Variants in GCLM observed in about 807,000 individuals in gnomAD.
GCLM encodes glutamate--cysteine ligase regulatory subunit.
GCLM carries 15 observed loss-of-function variants against 36.0 expected under a neutral mutation model. That is an observed-to-expected ratio of 0.42 (90% CI 0.28 to 0.64). GCLM has a LOEUF of 0.64. Among genes scored for constraint, GCLM ranks in the 30% least tolerant of loss-of-function variants. The probability of loss-of-function intolerance (pLI) is 0.25; values close to 1 mark genes in which losing one functional copy is unlikely to be tolerated. For missense variants in GCLM, 242 were observed against 325.5 expected, an observed-to-expected ratio of 0.74 and a Z score of 1.97; for synonymous variants, 129 against 122.8, an observed-to-expected ratio of 1.05 and a Z score of -0.34.
In GCLM at chr1:93,904,735, G is replaced by T. The variant is rs1657080866; in HGVS notation, c.127-147C>A. ...CAAACCCCAATTTTAATCCTACAAG[G>T]TTTTTGTTTCCTTCAACATACATAA... On this transcript the variant is annotated intron_variant, in intron 1 of 6. Transcript: ENST00000370238. The T allele has an allele frequency of 1.3e-5, 8 of 605,036 alleles. No homozygotes were observed. The South Asian group carries it at 1.6e-4, about 12-fold the overall frequency. The allele number at this position is 605,036 out of a possible 1,614,324, so 37.5% of individuals were successfully genotyped here. A position where few individuals can be genotyped will look rare whatever the true frequency, so the allele number is the denominator to read the frequency against.
intron 3 of GCLM, among the ~76,000 whole-genome samples, chr1:93,900,716 T>C (rs1191446523): frequency 6.6e-6 from 1 of 152,146 alleles, no homozygotes; most frequent in Non-Finnish European, 1.5e-5. Flanking sequence ...AAAGAGACAA[T>C]ACCCTATCTC....
Position 93,909,253 on chromosome 1 carries a change from C to G in GCLM, c.-90G>C. The G allele has an allele frequency of 9.2e-7, 1 of 1,088,676 alleles. No individual in the cohort carries two copies. The highest frequency in any genetic ancestry group is 1.1e-6 in the Non-Finnish European group (1 of 898,774). The allele number at this position is 1,088,676 out of a possible 1,614,324, so 67.4% of individuals were successfully genotyped here. On this transcript the variant is annotated 5_prime_UTR_variant, in exon 1 of 7. Transcript: ENST00000370238. ...CCCCACAGGACGCGGTGCCCGAGGC[C>G]CGAGAGAGACCCGAGAGGGAGCGCG...
Position 93,886,997 on chromosome 1 carries a change from C to CTTTTTTTT in GCLM, c.*1985_*1992dup, listed in dbSNP as rs60252290. On this transcript the variant is annotated 3_prime_UTR_variant, in exon 7 of 7. Transcript: ENST00000370238. ...AATCACATGATTTCACATAATTTTT[C>CTTTTTTTT]TTTTTTTTTTTTTTTTGAGACGCAG... is the stretch of plus-strand genomic sequence containing the variant. The CTTTTTTTT allele has an allele frequency of 7.3e-6, 1 of 137,762 alleles. No homozygotes were observed. Among genetic ancestry groups the CTTTTTTTT allele is most frequent in the Non-Finnish European group, 1.5e-5 (1 of 64,754 alleles). 8.5% of individuals were successfully genotyped at this position (137,762 alleles called of 1,614,324 possible). A position where few individuals can be genotyped will look rare whatever the true frequency, so the allele number is the denominator to read the frequency against.
At chr1:93,903,979 C>A (rs1657055891) in intron 2 of GCLM, among the ~76,000 whole-genome samples, 2 of 152,150 alleles carry the variant, frequency 1.3e-5, no homozygotes, top group Non-Finnish European at 1.5e-5. Context: ...CCCAGGGGAA[C>A]CAGTATTTCC....
At chr1:93,891,778 C>T (rs1474592066) in intron 6 of GCLM, among the ~76,000 whole-genome samples, 1 of 152,204 alleles carries the variant, frequency 6.6e-6, no homozygotes, top group Non-Finnish European at 1.5e-5. Context: ...CCCACCTACT[C>T]CCAAACTGCT....
Position 93,898,200 on chromosome 1 carries a change from T to C in GCLM, c.278-302A>G, listed in dbSNP as rs149128644. Among the ~76,000 whole-genome samples, 510 of 151,428 alleles carry C rather than the reference T, an allele frequency of 3.4e-3. 2 individuals are homozygous for C. The highest frequency in any genetic ancestry group is 5.7e-3 in the Non-Finnish European group (386 of 67,872). On this transcript the variant is annotated intron_variant, in intron 3 of 6. Coordinates refer to ENST00000370238, the MANE Select transcript of GCLM (RefSeq NM_002061.4). ...ATTGGAGCTTAAATTACTTGAAATT[T>C]ATATTTTTATGACTTAAACATTAAT...
At chr1:93,892,273 CA>C (rs1174078370) in intron 6 of GCLM, among the ~76,000 whole-genome samples, 7 of 152,064 alleles carry the variant, frequency 4.6e-5, no homozygotes, top group East Asian at 1.9e-4. Context: ...ATTTTTAGAA[CA>C]GGGGTAGACC....
In GCLM at chr1:93,895,968, T is replaced by G. The variant is rs557976033; in HGVS notation, c.540+650A>C. 3.2e-4 allele frequency among the ~76,000 whole-genome samples: 48 copies of G among 149,748 alleles called. No homozygotes were observed. The South Asian group carries it at 9.9e-3, about 31-fold the overall frequency. On this transcript the variant is annotated intron_variant, in intron 5 of 6. Coordinates refer to ENST00000370238, the MANE Select transcript of GCLM (RefSeq NM_002061.4). The stretch of plus-strand genomic sequence containing the variant: ...GAAAAAGAAGGTTTTTCTTTCTTTT[T>G]TTTTTTTTTTTTGAGACAGAGTCTT...
At chr1:93,892,680 T>C (rs957920974) in intron 6 of GCLM, among the ~76,000 whole-genome samples, 1 of 152,220 alleles carries the variant, frequency 6.6e-6, no homozygotes, top group Non-Finnish European at 1.5e-5. Flanking sequence ...TCTCCTCATA[T>C]ACATATGCAA....
intron 6 of GCLM, 93 bp downstream of exon 6, chr1:93,894,521 T>C: frequency 1.4e-6 from 1 of 708,004 alleles, no homozygotes; most frequent in South Asian, 1.7e-5. Flanking sequence ...TGTATTTTTA[T>C]CACTGTCCAC....
chr1:93,902,500 CT>C (rs1211325155), intron 2 of GCLM, among the ~76,000 whole-genome samples: 2 of 149,246 alleles, frequency 1.3e-5, no homozygotes, highest in Admixed American at 6.7e-5. Context: ...TTTAAATATA[CT>C]TTTTTTTTAG....
chr1:93,899,262 C>CG (rs1199355654), intron 3 of GCLM, among the ~76,000 whole-genome samples: 8 of 151,936 alleles, frequency 5.3e-5, no homozygotes, highest in Admixed American at 5.2e-4. Context: ...TTAGTAGAGA[C>CG]GGGGTTTTGC....
chr1:93,893,192 G>A (rs1400247705), intron 6 of GCLM, among the ~76,000 whole-genome samples: 2 of 152,158 alleles, frequency 1.3e-5, no homozygotes, highest in African/African-American at 4.8e-5. Flanking sequence ...CTTAGGCCAA[G>A]TTCAAACTTT....
intron 6 of GCLM, among the ~76,000 whole-genome samples, chr1:93,892,056 A>T (rs1278487399): frequency 6.6e-6 from 1 of 152,166 alleles, no homozygotes; most frequent in Non-Finnish European, 1.5e-5. Flanking sequence ...GGATTTGTTT[A>T]TCAGATTTTC....
chr1:93,901,974 G>C (rs1557731296), intron 2 of GCLM, among the ~76,000 whole-genome samples: 1 of 151,780 alleles, frequency 6.6e-6, no homozygotes, highest in Non-Finnish European at 1.5e-5. Flanking sequence ...AGGGATATGT[G>C]AGGAGTTAGA....
chr1:93,890,481 A>C (rs1656495269), intron 6 of GCLM, among the ~76,000 whole-genome samples: 1 of 152,226 alleles, frequency 6.6e-6, no homozygotes, highest in African/African-American at 2.4e-5. Context: ...AAATGAAAAC[A>C]CCAATGGCTC....
At position 93,887,852 on chromosome 1, in the gene GCLM, C is replaced by T. The variant is rs1322913882; in HGVS notation, c.*1138G>A. The T allele has an allele frequency of 1.3e-5, 2 of 152,156 alleles. No individual in the cohort carries two copies. The highest frequency in any genetic ancestry group is 1.5e-5 in the Non-Finnish European group (1 of 68,028). The allele number at this position is 152,156 out of a possible 1,614,324, so 9.4% of individuals were successfully genotyped here. On this transcript the variant is annotated 3_prime_UTR_variant, in exon 7 of 7. Coordinates refer to ENST00000370238, the MANE Select transcript of GCLM (RefSeq NM_002061.4). ...TAGAATTAAGGAGATTTATAGTGTA[C>T]ATCAAAGTTCATAGCTTATTTATTT...
intron 1 of GCLM, among the ~76,000 whole-genome samples, chr1:93,907,836 A>G (rs1467471078): frequency 6.6e-6 from 1 of 152,208 alleles, no homozygotes; most frequent in East Asian, 1.9e-4. Flanking sequence ...GACCCCAACA[A>G]CAGGCCTGGG....
intron 6 of GCLM, among the ~76,000 whole-genome samples, chr1:93,892,931 G>C (rs937523536): frequency 1.8e-4 from 27 of 152,102 alleles, no homozygotes; most frequent in Non-Finnish European, 2.9e-4. Context: ...CCAACATATG[G>C]AAAGTTAAAA....
Sources: gnomAD v4.1 joint callset for allele counts (sites outside exome capture counted in the v4.1 genomes callset) on GRCh38, gnomAD v4.1.1 for gene constraint, MANE v1.5 for transcripts, NCBI Gene and HGNC (gene_info 2026-07-23, HGNC 2026-07-21) for gene names.